SYK: variants seen among roughly 807,000 people sequenced by gnomAD.
The protein encoded by SYK is spleen associated tyrosine kinase.
SYK carries 16 observed loss-of-function variants against 77.8 expected under a neutral mutation model. That is an observed-to-expected ratio of 0.21 (90% CI 0.14 to 0.31). The LOEUF (loss-of-function observed/expected upper bound fraction) is 0.31. Among genes scored for constraint, SYK ranks in the 10% least tolerant of loss-of-function variants. The probability of loss-of-function intolerance (pLI) is 1.00; values close to 1 mark genes in which losing one functional copy is unlikely to be tolerated. For synonymous variants in SYK, 312 were observed against 308.7 expected (o/e 1.01, Z -0.11); for missense variants, 529 against 814.4 (o/e 0.65, Z 4.26).
chr9:90,823,112 T>G (rs1175266317), intron 1 of SYK, among the ~76,000 whole-genome samples: 1 of 152,212 alleles, frequency 6.6e-6, no homozygotes, highest in Non-Finnish European at 1.5e-5. Flanking sequence ...CTCATCACTT[T>G]ATCACTTAAA....
rs966665249 is a variant in SYK at position 90,898,223 on chromosome 9, T to A, written c.*2623T>A. 4.3e-6 allele frequency: 1 copy of A among 231,302 alleles called. No homozygotes were observed. The highest frequency in any genetic ancestry group is 8.6e-6 in the Non-Finnish European group (1 of 116,838). The allele number at this position is 231,302 out of a possible 1,614,324, so 14.3% of individuals were successfully genotyped here. A position where few individuals can be genotyped will look rare whatever the true frequency, so the allele number is the denominator to read the frequency against. On this transcript the variant is annotated 3_prime_UTR_variant, in exon 14 of 14. Coordinates refer to ENST00000375754, the MANE Select transcript of SYK (RefSeq NM_003177.7). ...TTGTCCCCCAGCAGGGCCGACAGTT[T>A]CTATCACAGAAAACAGTGTGTTCAG...
At chr9:90,838,878 C>G (rs1419709598) in intron 1 of SYK, among the ~76,000 whole-genome samples, 1 of 152,306 alleles carries the variant, frequency 6.6e-6, no homozygotes, top group South Asian at 2.1e-4. Context: ...GCGGGAAGGA[C>G]TGAGTCTGTG....
chr9:90,822,049 A>G (rs928331426), intron 1 of SYK, among the ~76,000 whole-genome samples: 5 of 151,928 alleles, frequency 3.3e-5, no homozygotes, highest in African/African-American at 1.2e-4. Context: ...GCAGGCTCTC[A>G]GGCACATAAC....
intron 1 of SYK, among the ~76,000 whole-genome samples, chr9:90,830,947 T>C (rs147621440): frequency 6.2e-4 from 95 of 152,284 alleles, no homozygotes; most frequent in African/African-American, 2.0e-3. Context: ...CTTGACAATT[T>C]TCTCAGCTTC....
intron 1 of SYK, among the ~76,000 whole-genome samples, chr9:90,813,422 A>T (rs72729009): frequency 0.11 from 17,390 of 152,142 alleles, 999 homozygotes; most frequent in East Asian, 0.17. Flanking sequence ...ATTGTGGCTT[A>T]GACCTGTAAA....
intron 1 of SYK, among the ~76,000 whole-genome samples, chr9:90,806,432 A>G (rs2162978): frequency 0.98 from 149,582 of 151,944 alleles, 73,635 homozygotes; most frequent in East Asian, 1. Context: ...ATGGGCTCTC[A>G]CTATATTGCC....
chr9:90,867,219 T>C lies in SYK; in HGVS notation c.915+20T>C. The C allele has an allele frequency of 6.2e-7, 1 of 1,613,954 alleles. No homozygotes were observed. Among genetic ancestry groups the C allele is most frequent in the Non-Finnish European group, 8.5e-7 (1 of 1,179,792 alleles). On this transcript the variant is annotated intron_variant, in intron 7 of 13. Transcript: ENST00000375754. ...AGAAAGGTGCTAAAGCAACCCCTGC[T>C]TGCTGTCCAACTAAGTGGTAGGACC...
chr9:90,845,930 T>C (rs1289671478), intron 3 of SYK, among the ~76,000 whole-genome samples: 1 of 152,236 alleles, frequency 6.6e-6, no homozygotes, highest in Non-Finnish European at 1.5e-5. Context: ...CCAACTAAAA[T>C]TAAAATACTG....
chr9:90,885,284 A>T (rs544753839), intron 11 of SYK, among the ~76,000 whole-genome samples: 1 of 152,172 alleles, frequency 6.6e-6, no homozygotes, highest in Non-Finnish European at 1.5e-5. Context: ...GAGAATTCAG[A>T]AAAACAGTTC....
chr9:90,860,001 TC>T (rs67515544), intron 3 of SYK, among the ~76,000 whole-genome samples: 1 of 152,208 alleles, frequency 6.6e-6, no homozygotes, highest in Non-Finnish European at 1.5e-5. Context: ...TATCTTTTTT[TC>T]TGGAGAGATG....
intron 1 of SYK, among the ~76,000 whole-genome samples, chr9:90,808,159 A>T (rs1824917087): frequency 6.6e-6 from 1 of 152,098 alleles, no homozygotes; most frequent in Admixed American, 6.5e-5. Flanking sequence ...TGTTTTCATG[A>T]AACCATCAGG....
intron 11 of SYK, 81 bp from the exon 12 acceptor site, chr9:90,887,668 G>T (rs1222546776): frequency 4.8e-6 from 7 of 1,456,730 alleles, no homozygotes; most frequent in African/African-American, 2.9e-5. Flanking sequence ...CTCCCAAAGT[G>T]CTGGGATTAC....
chr9:90,891,641 C>G (rs2118994827), intron 13 of SYK, among the ~76,000 whole-genome samples: 1 of 152,318 alleles, frequency 6.6e-6, no homozygotes, highest in Non-Finnish European at 1.5e-5. Context: ...ACAGAGGACT[C>G]TGTTACCCTC....
intron 3 of SYK, among the ~76,000 whole-genome samples, chr9:90,850,298 A>G (rs1253820342): frequency 6.6e-6 from 1 of 152,144 alleles, no homozygotes; most frequent in Admixed American, 6.5e-5. Context: ...GCGGGCAATC[A>G]CAAGGTCTAG....
At chr9:90,807,340 A>G (rs1824877112) in intron 1 of SYK, among the ~76,000 whole-genome samples, 1 of 152,224 alleles carries the variant, frequency 6.6e-6, no homozygotes, top group Non-Finnish European at 1.5e-5. Flanking sequence ...TATATGAATT[A>G]TGTGGTGGAT....
At chr9:90,821,289 T>C (rs1031050883) in intron 1 of SYK, among the ~76,000 whole-genome samples, 2 of 152,132 alleles carry the variant, frequency 1.3e-5, no homozygotes, top group Non-Finnish European at 2.9e-5. Context: ...AACACCCCAC[T>C]CTTCTGGTAC....
At chr9:90,830,570 G>A (rs1483301525) in intron 1 of SYK, among the ~76,000 whole-genome samples, 2 of 150,596 alleles carry the variant, frequency 1.3e-5, no homozygotes, top group African/African-American at 4.9e-5. Flanking sequence ...CCTCTGGTTG[G>A]ACTCATTCCT....
intron 1 of SYK, among the ~76,000 whole-genome samples, chr9:90,843,517 C>G (rs1008004362): frequency 3.9e-5 from 6 of 152,142 alleles, no homozygotes; most frequent in Admixed American, 2.0e-4. Context: ...TGAGGGTCAG[C>G]CCAAGAGTCC....
chr9:90,850,208 G>C (rs1307933656), intron 3 of SYK, among the ~76,000 whole-genome samples: 1 of 152,202 alleles, frequency 6.6e-6, no homozygotes, highest in Non-Finnish European at 1.5e-5. Flanking sequence ...TTTATGAAGT[G>C]ACAGACTTAA....
Sources: gnomAD v4.1 joint callset for allele counts (sites outside exome capture counted in the v4.1 genomes callset) on GRCh38, gnomAD v4.1.1 for gene constraint, MANE v1.5 for transcripts, NCBI Gene and HGNC (gene_info 2026-07-23, HGNC 2026-07-21) for gene names.